COL19A1: variants seen among roughly 807,000 people sequenced by gnomAD.
The protein encoded by COL19A1 is collagen type XIX alpha 1 chain, also known as collagen alpha-1(XIX) chain.
In COL19A1, 159 loss-of-function variants were observed where a neutral mutation model predicts 190.2. The observed-to-expected ratio is 0.84, with a 90% CI of 0.73 to 0.95. The LOEUF is 0.95. Ranked by LOEUF, COL19A1 falls within the 40% of genes least tolerant of loss-of-function variation. The probability of loss-of-function intolerance (pLI) is 0.00; values close to 1 mark genes in which losing one functional copy is unlikely to be tolerated. For missense variants in COL19A1, 1,418 were observed against 1,431.9 expected (o/e 0.99, Z 0.16); for synonymous variants, 509 against 458.9 (o/e 1.11, Z -1.39).
At chr6:69,929,283 C>G in intron 5 of COL19A1, 142 bp from the exon 6 acceptor site, 2 of 793,892 alleles carry the variant, frequency 2.5e-6, no homozygotes, top group Non-Finnish European at 3.9e-6. Flanking sequence ...TTTTAACAAA[C>G]CTGGTGGACA....
chr6:70,170,309 C>A (rs1025124633), intron 40 of COL19A1, among the ~76,000 whole-genome samples: 2 of 152,072 alleles, frequency 1.3e-5, no homozygotes, highest in African/African-American at 4.8e-5. Flanking sequence ...TAGAAATAAT[C>A]CAGGAATGAT....
chr6:70,174,571 AC>A (rs1383700162), intron 41 of COL19A1, among the ~76,000 whole-genome samples: 4 of 151,508 alleles, frequency 2.6e-5, no homozygotes, highest in Non-Finnish European at 5.9e-5. Flanking sequence ...AAAAAAAAAA[AC>A]AAAAAAAACA....
chr6:69,880,320 T>C (rs1014112269), intron 2 of COL19A1, among the ~76,000 whole-genome samples: 1 of 152,210 alleles, frequency 6.6e-6, no homozygotes, highest in African/African-American at 2.4e-5. Flanking sequence ...TGAGTGTGTA[T>C]AAGTTACTTA....
chr6:69,981,893 A>G (rs1776053957), intron 11 of COL19A1, among the ~76,000 whole-genome samples: 1 of 152,168 alleles, frequency 6.6e-6, no homozygotes, highest in African/African-American at 2.4e-5. Flanking sequence ...AAAATTACAA[A>G]TATATTTTAG....
chr6:70,035,491 A>G (rs76685062), intron 13 of COL19A1, among the ~76,000 whole-genome samples: 1,628 of 152,304 alleles, frequency 0.011, 15 homozygotes, highest in Non-Finnish European at 0.017. Context: ...GGAAGCATGA[A>G]ATGGGGAGAT....
At chr6:70,019,177 T>A (rs1399029166) in intron 11 of COL19A1, among the ~76,000 whole-genome samples, 1 of 152,108 alleles carries the variant, frequency 6.6e-6, no homozygotes, top group Non-Finnish European at 1.5e-5. Flanking sequence ...TAGATGGAGT[T>A]CTTTGATTGT....
At chr6:70,185,032 G>A in intron 46 of COL19A1, 117 bp downstream of exon 46, 1 of 892,706 alleles carries the variant, frequency 1.1e-6, no homozygotes, top group Non-Finnish European at 1.7e-6. Context: ...ATAAAGGCTA[G>A]GGTGTAGGCG....
intron 4 of COL19A1, among the ~76,000 whole-genome samples, chr6:69,905,066 C>T (rs1770458372): frequency 6.6e-6 from 1 of 152,198 alleles, no homozygotes; most frequent in South Asian, 2.1e-4. Flanking sequence ...GCACCACTGA[C>T]ACCAGGTACC....
At chr6:70,039,056 GA>G (rs111937768) in intron 14 of COL19A1, among the ~76,000 whole-genome samples, 110 of 138,524 alleles carry the variant, frequency 7.9e-4, no homozygotes, top group Middle Eastern at 3.8e-3. Flanking sequence ...GACTCCGTCT[GA>G]AAAAAAAAAA....
At chr6:70,137,516 C>T (rs2150230507) in intron 18 of COL19A1, among the ~76,000 whole-genome samples, 169 bp from the exon 19 acceptor site, 1 of 152,246 alleles carries the variant, frequency 6.6e-6, no homozygotes, top group South Asian at 2.1e-4. Flanking sequence ...CTGACAAACA[C>T]ATTATCATAA....
intron 16 of COL19A1, among the ~76,000 whole-genome samples, chr6:70,112,886 G>A (rs1436516536): frequency 6.6e-6 from 1 of 152,186 alleles, no homozygotes; most frequent in Non-Finnish European, 1.5e-5. Context: ...AGCTCAGTAT[G>A]CAGGCCAGAA....
Position 70,034,264 on chromosome 6 carries a change from G to T in COL19A1, c.1100G>T (p.Gly367Val). 1 of 1,612,856 alleles carries T rather than the reference G, an allele frequency of 6.2e-7. No individual in the cohort carries two copies. The highest frequency in any genetic ancestry group is 8.5e-7 in the Non-Finnish European group (1 of 1,178,884). The stretch of plus-strand genomic sequence containing the variant: ...CTACAGGGTTTGAAAGGTGACTTGG[G>T]TCCTCATGGTCCACCTGGCCCAAAA... Reference protein sequence around the residue: ...NGENGLKGDLGPHGPPGPKGE... With the variant: ...NGENGLKGDLVPHGPPGPKGE... The change falls in exon 13 of 51, where the codon GGT becomes GTT. Residue 367 changes from glycine (G) to valine (V), a missense_variant. By Grantham distance (109) the Gly-to-Val change is moderately radical. Coordinates refer to ENST00000620364, the MANE Select transcript of COL19A1 (RefSeq NM_001858.6).
intron 16 of COL19A1, among the ~76,000 whole-genome samples, chr6:70,119,584 A>G (rs537601525): frequency 6.6e-6 from 1 of 152,322 alleles, no homozygotes; most frequent in South Asian, 2.1e-4. Context: ...AAGATAGTAG[A>G]GTAGACGAGA....
chr6:70,177,667 T>A (rs1765900455), intron 42 of COL19A1, among the ~76,000 whole-genome samples: 1 of 152,230 alleles, frequency 6.6e-6, no homozygotes, highest in African/African-American at 2.4e-5. Context: ...CACACTTAAT[T>A]CTATTCCCTC....
intron 14 of COL19A1, among the ~76,000 whole-genome samples, chr6:70,057,658 G>A (rs1226659530): frequency 5.9e-5 from 9 of 151,972 alleles, no homozygotes; most frequent in South Asian, 4.1e-4. Context: ...ATTAAGGAAC[G>A]CAGGTTATAT....
intron 15 of COL19A1, among the ~76,000 whole-genome samples, chr6:70,079,033 CTCCAGTGTGGGCG>C (rs1782072791): frequency 6.6e-6 from 1 of 152,266 alleles, no homozygotes; most frequent in South Asian, 2.1e-4. Context: ...CATCACTGCA[CTCCAGTGTGGGCG>C]ACAAAGGAGA....
chr6:70,046,942 AT>A (rs1173114940), intron 14 of COL19A1, among the ~76,000 whole-genome samples: 2 of 152,082 alleles, frequency 1.3e-5, no homozygotes, highest in Non-Finnish European at 2.9e-5. Context: ...CCTTATAAAT[AT>A]GTTTTTCATA....
At chr6:70,074,992 G>A (rs2025107) in intron 15 of COL19A1, among the ~76,000 whole-genome samples, 37,455 of 151,974 alleles carry the variant, frequency 0.25, 7,740 homozygotes, top group African/African-American at 0.55. Context: ...AAATATAAAC[G>A]TATACCTTAA....
intron 46 of COL19A1, among the ~76,000 whole-genome samples, 170 bp downstream of exon 46, chr6:70,185,085 G>A (rs1182849668): frequency 6.6e-6 from 1 of 152,182 alleles, no homozygotes; most frequent in Non-Finnish European, 1.5e-5. Context: ...AACGGACTCA[G>A]AGCAAGTTAT....
Sources: gnomAD v4.1 joint callset for allele counts (sites outside exome capture counted in the v4.1 genomes callset) on GRCh38, gnomAD v4.1.1 for gene constraint, MANE v1.5 for transcripts, NCBI Gene and HGNC (gene_info 2026-07-23, HGNC 2026-07-21) for gene names.